Variants in SPOCK3 observed in about 807,000 individuals in gnomAD.
SPOCK3 encodes SPARC (osteonectin), cwcv and kazal like domains proteoglycan 3.
A neutral mutation model predicts 56.6 loss-of-function variants in SPOCK3; 30 were observed. The ratio of observed to expected loss-of-function variants is 0.53; its 90% CI spans 0.40 to 0.72. The LOEUF is 0.72. Ranked by LOEUF, SPOCK3 falls within the 30% of genes least tolerant of loss-of-function variation. The pLI is 0.00. For missense variants in SPOCK3, 527 were observed against 530.0 expected (o/e 0.99, Z 0.06); for synonymous variants, 196 against 183.3 (o/e 1.07, Z -0.56).
chr4:167,196,850 G>A (rs1248721086), intron 2 of SPOCK3, among the ~76,000 whole-genome samples: 1 of 152,106 alleles, frequency 6.6e-6, no homozygotes, highest in Non-Finnish European at 1.5e-5. Flanking sequence ...CTCAAGGCCA[G>A]CAGGACAATC....
chr4:166,773,702 T>G (rs1468241676), intron 7 of SPOCK3, among the ~76,000 whole-genome samples: 2 of 152,206 alleles, frequency 1.3e-5, no homozygotes, highest in Non-Finnish European at 2.9e-5. Flanking sequence ...TGGGTGCTGA[T>G]TCAATTATAC....
At chr4:166,876,088 G>C (rs1733052474) in intron 6 of SPOCK3, among the ~76,000 whole-genome samples, 1 of 152,168 alleles carries the variant, frequency 6.6e-6, no homozygotes, top group Non-Finnish European at 1.5e-5. Flanking sequence ...TTAACTCGCT[G>C]TTGCCTTGGA....
intron 7 of SPOCK3, among the ~76,000 whole-genome samples, chr4:166,768,188 T>A (rs9685275): frequency 0.81 from 122,482 of 152,062 alleles, 49,583 homozygotes; most frequent in African/African-American, 0.84. Context: ...GCCCATTTAC[T>A]TTTAAGATTA....
At position 166,796,877 on chromosome 4, in the gene SPOCK3, G is replaced by A. The variant is rs113304553; in HGVS notation, c.590-4588C>T. Among the ~76,000 whole-genome samples the A allele has an allele frequency of 4.2e-3, 637 of 152,210 alleles. 4 individuals are homozygous for A. The highest frequency in any genetic ancestry group is 0.014 in the African/African-American group (602 of 41,544). On this transcript the variant is annotated intron_variant, in intron 6 of 10. Transcript: ENST00000357545. ...ATCTGGCAGAATACAATTACTCTAA[G>A]GCAAAAAGGCTTAAGTTGGCTCCAA...
At chr4:167,152,740 A>G (rs1248773954) in intron 2 of SPOCK3, among the ~76,000 whole-genome samples, 1 of 152,214 alleles carries the variant, frequency 6.6e-6, no homozygotes, top group Non-Finnish European at 1.5e-5. Context: ...TCAACAAAAC[A>G]AATAAATGAA....
intron 5 of SPOCK3, among the ~76,000 whole-genome samples, chr4:166,899,008 T>C (rs1735710986): frequency 6.6e-6 from 1 of 151,906 alleles, no homozygotes; most frequent in Non-Finnish European, 1.5e-5. Context: ...GCAGTGCAAA[T>C]TGCCTCTCTC....
chr4:166,833,946 T>C (rs116339135), intron 6 of SPOCK3, among the ~76,000 whole-genome samples: 1 of 152,208 alleles, frequency 6.6e-6, no homozygotes, highest in Admixed American at 6.5e-5. Flanking sequence ...TCTTTCCTCA[T>C]GTAGAGAGAT....
intron 2 of SPOCK3, among the ~76,000 whole-genome samples, chr4:167,089,145 ATATG>A (rs1370643228): frequency 2.0e-5 from 3 of 152,112 alleles, no homozygotes; most frequent in Non-Finnish European, 2.9e-5. Context: ...AAGTTTATAT[ATATG>A]TGTGTGTACA....
At chr4:166,814,640 TG>T (rs1744201407) in intron 6 of SPOCK3, among the ~76,000 whole-genome samples, 1 of 152,090 alleles carries the variant, frequency 6.6e-6, no homozygotes, top group African/African-American at 2.4e-5. Context: ...AGTGGTTTGT[TG>T]GGGGCTCTCA....
At chr4:166,737,051 G>A (rs566547023) in intron 10 of SPOCK3, among the ~76,000 whole-genome samples, 2 of 152,088 alleles carry the variant, frequency 1.3e-5, no homozygotes, top group East Asian at 3.9e-4. Context: ...TATTTCTTTG[G>A]CTGGTGAACC....
chr4:167,160,579 G>T (rs996202977), intron 2 of SPOCK3, among the ~76,000 whole-genome samples: 2 of 145,304 alleles, frequency 1.4e-5, no homozygotes, highest in Non-Finnish European at 3.0e-5. Flanking sequence ...AGCCCGCATC[G>T]CCAAGTAATC....
At chr4:166,815,912 A>G (rs1744336950) in intron 6 of SPOCK3, among the ~76,000 whole-genome samples, 1 of 152,150 alleles carries the variant, frequency 6.6e-6, no homozygotes, top group Non-Finnish European at 1.5e-5. Context: ...TCAAATCTAT[A>G]CAGCTAGCTA....
chr4:167,193,011 C>T lies in SPOCK3; in HGVS notation c.189+40974G>A, dbSNP rs1170670423. ...TGTCAGCACTTATTTTTTGACCCAACGTATGATCTATCTTGGAAAATGTTC... is the reference window on the plus strand; with the variant it reads ...TGTCAGCACTTATTTTTTGACCCAATGTATGATCTATCTTGGAAAATGTTC... On this transcript the variant is annotated intron_variant, in intron 2 of 10. Coordinates refer to ENST00000357545, the MANE Select transcript of SPOCK3 (RefSeq NM_001040159.2). Among the ~76,000 whole-genome samples the T allele has an allele frequency of 2.1e-5, 3 of 145,878 alleles. 1 individual carries two copies. In the Admixed American group the frequency reaches 2.1e-4, roughly 10 times the overall value.
chr4:166,771,030 G>A (rs984616466), intron 7 of SPOCK3, among the ~76,000 whole-genome samples: 8 of 148,776 alleles, frequency 5.4e-5, no homozygotes, highest in African/African-American at 2.0e-4. Flanking sequence ...ATTATACATA[G>A]TGATTGTATG....
chr4:167,115,573 A>C (rs1761262310), intron 2 of SPOCK3, among the ~76,000 whole-genome samples: 1 of 152,104 alleles, frequency 6.6e-6, no homozygotes, highest in Admixed American at 6.6e-5. Context: ...CTATAGATTC[A>C]AGAAATATGA....
intron 4 of SPOCK3, among the ~76,000 whole-genome samples, chr4:166,992,987 G>T (rs1012054276): frequency 6.6e-6 from 1 of 152,018 alleles, no homozygotes; most frequent in African/African-American, 2.4e-5. Flanking sequence ...CCTTTTTGTG[G>T]CTAGCTGCTC....
intron 2 of SPOCK3, among the ~76,000 whole-genome samples, chr4:167,115,536 A>G (rs1396681328): frequency 6.6e-6 from 1 of 152,120 alleles, no homozygotes. Flanking sequence ...ATAATTGTTG[A>G]GGTATTTTTA....
intron 5 of SPOCK3, among the ~76,000 whole-genome samples, chr4:166,902,616 T>A (rs1232948448): frequency 6.6e-6 from 1 of 151,214 alleles, no homozygotes; most frequent in Non-Finnish European, 1.5e-5. Context: ...TTGCATATAT[T>A]TCACACATAT....
rs181187968 is a variant in SPOCK3, at chr4:167,012,028, G to A, written c.236-11565C>T. Among the ~76,000 whole-genome samples, 4 of 151,828 alleles carry A rather than the reference G, an allele frequency of 2.6e-5. No individual in the cohort carries two copies. In the East Asian group the frequency reaches 7.7e-4, roughly 29 times the overall value. On this transcript the variant is annotated intron_variant, in intron 3 of 10. Coordinates refer to ENST00000357545, the MANE Select transcript of SPOCK3 (RefSeq NM_001040159.2). ...TACAGTTTATTTCACATTTAATTGA[G>A]TGACATTTTTCAAGGTTGGGATGAA... is the stretch of plus-strand genomic sequence containing the variant.
Sources: gnomAD v4.1 joint callset for allele counts (sites outside exome capture counted in the v4.1 genomes callset) on GRCh38, gnomAD v4.1.1 for gene constraint, MANE v1.5 for transcripts, NCBI Gene and HGNC (gene_info 2026-07-23, HGNC 2026-07-21) for gene names.